The following PARN variants were observed in gnomAD, a reference collection of about 807,000 sequenced individuals.
PARN encodes poly(A)-specific ribonuclease PARN.
In PARN, 71 loss-of-function variants were observed where a neutral mutation model predicts 102.8. That is an observed-to-expected ratio of 0.69 (90% CI 0.57 to 0.84). The LOEUF (loss-of-function observed/expected upper bound fraction) is 0.84. Ranked by LOEUF, PARN falls within the 40% of genes least tolerant of loss-of-function variation. The pLI is 0.00. For missense variants in PARN, 782 were observed against 760.9 expected, an observed-to-expected ratio of 1.03 and a Z score of -0.33; for synonymous variants, 261 against 252.9, an observed-to-expected ratio of 1.03 and a Z score of -0.30.
chr16:14,563,323 T>G (rs971127736), intron 18 of PARN, among the ~76,000 whole-genome samples: 1 of 152,190 alleles, frequency 6.6e-6, no homozygotes, highest in Non-Finnish European at 1.5e-5. Context: ...ACGCCTAGTG[T>G]TGGAGCCAGT....
intron 22 of PARN, among the ~76,000 whole-genome samples, chr16:14,455,677 T>C (rs978118726): frequency 2.6e-5 from 4 of 152,012 alleles, no homozygotes; most frequent in Non-Finnish European, 5.9e-5. Flanking sequence ...CAAAACTCAA[T>C]AGATTTTTAT....
At chr16:14,456,996 C>T (rs531482547) in intron 22 of PARN, among the ~76,000 whole-genome samples, 1 of 152,316 alleles carries the variant, frequency 6.6e-6, no homozygotes, top group East Asian at 1.9e-4. Context: ...TCTTACACTG[C>T]TTGTGCTCTC....
intron 13 of PARN, among the ~76,000 whole-genome samples, chr16:14,587,013 T>G (rs1356814108): frequency 6.6e-6 from 1 of 152,210 alleles, no homozygotes; most frequent in Non-Finnish European, 1.5e-5. Context: ...AGTCCTCTAA[T>G]TTTGAATTAA....
At chr16:14,459,132 A>G (rs1961834620) in intron 22 of PARN, among the ~76,000 whole-genome samples, 1 of 152,238 alleles carries the variant, frequency 6.6e-6, no homozygotes, top group Non-Finnish European at 1.5e-5. Context: ...CAGCTCTCAC[A>G]ACTTCTATTC....
chr16:14,579,106 C>T (rs1254106136), intron 18 of PARN, among the ~76,000 whole-genome samples: 1 of 151,994 alleles, frequency 6.6e-6, no homozygotes, highest in Non-Finnish European at 1.5e-5. Flanking sequence ...CCTGCCTTAG[C>T]CTCCCGAGTA....
intron 21 of PARN, among the ~76,000 whole-genome samples, chr16:14,532,740 CGGCTGGCCGGGTGGGG>C (rs1966413291): frequency 1.3e-5 from 2 of 150,750 alleles, no homozygotes; most frequent in African/African-American, 4.9e-5. Flanking sequence ...CCGGGAGGGG[CGGCTGGCCGGGTGGGG>C]GGCTGACCCC....
chr16:14,527,239 C>G (rs140106815), intron 21 of PARN, among the ~76,000 whole-genome samples: 410 of 152,296 alleles, frequency 2.7e-3, no homozygotes, highest in African/African-American at 7.7e-3. Context: ...TTTTACCTGA[C>G]GACATGATAA....
At position 14,617,253 on chromosome 16, in the gene PARN, G is replaced by A. The variant is rs553413297; in HGVS notation, c.388+337C>T. Among the ~76,000 whole-genome samples, 5 of 151,154 alleles carry A rather than the reference G, an allele frequency of 3.3e-5. 1 individual carries two copies. The highest frequency in any genetic ancestry group is 2.1e-4 in the South Asian group (1 of 4,756). On this transcript the variant is annotated intron_variant, in intron 6 of 23. Transcript: ENST00000437198. ...CAAAAAATTAGCCAGGCGTGGTGGCGGGCACCTGTAGTCCCAGCTACTCGG... is the reference window on the plus strand; with the variant it reads ...CAAAAAATTAGCCAGGCGTGGTGGCAGGCACCTGTAGTCCCAGCTACTCGG...
intron 22 of PARN, among the ~76,000 whole-genome samples, chr16:14,450,405 T>C (rs1484616853): frequency 6.6e-6 from 1 of 152,098 alleles, no homozygotes; most frequent in African/African-American, 2.4e-5. Flanking sequence ...CATAAAAATA[T>C]TAGAATAAGG....
chr16:14,593,492 T>TAAAA (rs35329440), intron 12 of PARN, 114 bp from the exon 13 acceptor site: 765 of 31,592 alleles, frequency 0.024, 100 homozygotes, highest in Non-Finnish European at 0.034. Flanking sequence ...TTTCCAGACT[T>TAAAA]AAAAAAAAAA....
chr16:14,468,568 A>T (rs1455877673), intron 22 of PARN, among the ~76,000 whole-genome samples: 1 of 152,150 alleles, frequency 6.6e-6, no homozygotes, highest in African/African-American at 2.4e-5. Context: ...AGCCTTGCTG[A>T]TGGGCAGGTA....
intron 17 of PARN, 51 bp from the exon 18 acceptor site, chr16:14,580,994 G>C: frequency 8.9e-7 from 1 of 1,123,910 alleles, no homozygotes; most frequent in Non-Finnish European, 1.3e-6. Flanking sequence ...CATAGACCAA[G>C]CCTGAAAGTT....
At position 14,604,215 on chromosome 16, in the gene PARN, A is replaced by G. The variant is rs1281930960; in HGVS notation, c.714T>C (p.Tyr238=). The change falls in exon 11 of 24, where the codon TAT becomes TAC. Residue 238 remains tyrosine (Y), a synonymous_variant. Coordinates refer to ENST00000437198, the MANE Select transcript of PARN (RefSeq NM_002582.4). Reference sequence around the variant, plus strand: ...CTTCATCTACTTTGCTGATAACTATATATCGCTCCTTCTAAAAGACATAAA... The same window carrying G: ...CTTCATCTACTTTGCTGATAACTATGTATCGCTCCTTCTAAAAGACATAAA... The part of the protein sequence containing the change: ...ETLETEKKER[Y]IVISKVDEEE... 5 of 1,583,934 alleles carry G rather than the reference A, an allele frequency of 3.2e-6. No individual in the cohort carries two copies. Among genetic ancestry groups the G allele is most frequent in the Admixed American group, 3.5e-5 (2 of 56,446 alleles).
At chr16:14,577,705 T>C (rs1969232041) in intron 18 of PARN, among the ~76,000 whole-genome samples, 1 of 152,086 alleles carries the variant, frequency 6.6e-6, no homozygotes, top group Non-Finnish European at 1.5e-5. Flanking sequence ...CTCACTCTTG[T>C]TGCCCAGGCT....
intron 19 of PARN, among the ~76,000 whole-genome samples, chr16:14,554,585 C>T (rs916699324): frequency 6.6e-6 from 1 of 151,866 alleles, no homozygotes; most frequent in Non-Finnish European, 1.5e-5. Flanking sequence ...TGCATGCCAC[C>T]GTGCCTGGCT....
chr16:14,543,013 C>T (rs9924513), intron 21 of PARN, among the ~76,000 whole-genome samples: 2 of 152,148 alleles, frequency 1.3e-5, no homozygotes, highest in African/African-American at 4.8e-5. Flanking sequence ...AAGAAAGCTA[C>T]GCCTACGTGC....
intron 6 of PARN, 83 bp from the exon 7 acceptor site, chr16:14,610,892 T>C: frequency 1.2e-6 from 1 of 865,784 alleles, no homozygotes; most frequent in Non-Finnish European, 1.9e-6. Flanking sequence ...GAGTCTAAAT[T>C]ACTCAGGAAA....
chr16:14,487,746 A>T (rs1963797389), intron 21 of PARN, among the ~76,000 whole-genome samples: 1 of 152,158 alleles, frequency 6.6e-6, no homozygotes, highest in Non-Finnish European at 1.5e-5. Context: ...CTGGAACGGG[A>T]GAGGAAGTTG....
At chr16:14,472,974 G>C (rs1272116726) in intron 22 of PARN, among the ~76,000 whole-genome samples, 1 of 151,898 alleles carries the variant, frequency 6.6e-6, no homozygotes, top group Non-Finnish European at 1.5e-5. Context: ...TTATAAAGAG[G>C]GCACAAAAGT....
Sources: gnomAD v4.1 joint callset for allele counts (sites outside exome capture counted in the v4.1 genomes callset) on GRCh38, gnomAD v4.1.1 for gene constraint, MANE v1.5 for transcripts, NCBI Gene and HGNC (gene_info 2026-07-23, HGNC 2026-07-21) for gene names.